MCUB: variants seen among roughly 807,000 people sequenced by gnomAD.
The protein encoded by MCUB is calcium uniporter regulatory subunit MCUb, mitochondrial.
MCUB carries 46 observed loss-of-function variants against 41.4 expected under a neutral mutation model. The ratio of observed to expected loss-of-function variants is 1.11; its 90% CI spans 0.88 to 1.42. The LOEUF is 1.42. Ranked by LOEUF, MCUB falls within the 40% of genes most tolerant of loss-of-function variation. MCUB has a pLI of 0.00. For synonymous variants in MCUB, 148 were observed against 148.2 expected, an observed-to-expected ratio of 1.00 and a Z score of 0.01; for missense variants, 403 against 404.9, an observed-to-expected ratio of 1.00 and a Z score of 0.04.
chr4:109,677,802 ATTTTTTTTTTTTT>A (rs71595506), intron 4 of MCUB, among the ~76,000 whole-genome samples: 3 of 86,606 alleles, frequency 3.5e-5, no homozygotes, highest in Non-Finnish European at 6.4e-5. Flanking sequence ...AAGGAAACAA[ATTTTTTTTTTTTT>A]TTTTTTTTTT....
At chr4:109,685,206 T>G in intron 6 of MCUB, 45 bp from the exon 7 acceptor site, 2 of 812,258 alleles carry the variant, frequency 2.5e-6, no homozygotes, top group Non-Finnish European at 4.2e-6. Context: ...GGCATTATGT[T>G]CATTCAAAAC....
intron 1 of MCUB, among the ~76,000 whole-genome samples, chr4:109,582,562 A>AC: frequency 8.5e-4 from 1 of 1,180 alleles, no homozygotes; most frequent in East Asian, 0.042. Flanking sequence ...CAGTTTAACA[A>AC]AAAAAAAAAA....
intron 1 of MCUB, among the ~76,000 whole-genome samples, chr4:109,653,393 A>G (rs1282539822): frequency 6.6e-6 from 1 of 151,980 alleles, no homozygotes; most frequent in African/African-American, 2.4e-5. Flanking sequence ...AAAAAAAAAA[A>G]AGAAAGAACT....
At chr4:109,639,350 C>CTT (rs34320513) in intron 1 of MCUB, among the ~76,000 whole-genome samples, 30 of 147,542 alleles carry the variant, frequency 2.0e-4, no homozygotes, top group Non-Finnish European at 3.0e-4. Context: ...GAAAGGAATC[C>CTT]TTTTTTTTTT....
chr4:109,666,956 CAATCTTTTTAGACATTGTTGT>C, intron 4 of MCUB, among the ~76,000 whole-genome samples: 1 of 152,112 alleles, frequency 6.6e-6, no homozygotes, highest in African/African-American at 2.4e-5. Context: ...TGTGGTGTAG[CAATCTTTTTAGACATTGTTGT>C]ATTTTATTTG....
At chr4:109,593,099 CTG>C (rs1451859905) in intron 1 of MCUB, among the ~76,000 whole-genome samples, 1 of 152,178 alleles carries the variant, frequency 6.6e-6, no homozygotes. Flanking sequence ...CAAGTTGGCT[CTG>C]TGTGTGTACA....
At chr4:109,595,517 A>G (rs1579055925) in intron 1 of MCUB, among the ~76,000 whole-genome samples, 1 of 152,144 alleles carries the variant, frequency 6.6e-6, no homozygotes, top group Non-Finnish European at 1.5e-5. Flanking sequence ...AATTATGGTG[A>G]TGATGAGGTC....
At chr4:109,593,942 G>A (rs1298660368) in intron 1 of MCUB, among the ~76,000 whole-genome samples, 1 of 152,098 alleles carries the variant, frequency 6.6e-6, no homozygotes, top group African/African-American at 2.4e-5. Context: ...TGTGCCTTTC[G>A]GATGCTATAT....
chr4:109,668,843 T>C (rs1006355956), intron 4 of MCUB, among the ~76,000 whole-genome samples: 1 of 152,074 alleles, frequency 6.6e-6, no homozygotes, highest in African/African-American at 2.4e-5. Flanking sequence ...GTTTGCAATA[T>C]ACATTTACAA....
At chr4:109,614,756 G>T (rs1391236335) in intron 1 of MCUB, among the ~76,000 whole-genome samples, 1 of 151,660 alleles carries the variant, frequency 6.6e-6, no homozygotes, top group Non-Finnish European at 1.5e-5. Flanking sequence ...GTGGACCTCA[G>T]CTCTAGAATC....
chr4:109,685,452 C>T (rs1579101374), intron 7 of MCUB, 85 bp downstream of exon 7: 2 of 613,544 alleles, frequency 3.3e-6, no homozygotes, highest in East Asian at 5.2e-5. Flanking sequence ...CTCATCCTCA[C>T]AAATTAAATC....
At chr4:109,600,948 C>G (rs779222282) in intron 1 of MCUB, among the ~76,000 whole-genome samples, 1 of 152,114 alleles carries the variant, frequency 6.6e-6, no homozygotes, top group Non-Finnish European at 1.5e-5. Context: ...GTGCCCACCA[C>G]CAAGCCCAGC....
chr4:109,650,383 C>G (rs1279265867), intron 1 of MCUB, among the ~76,000 whole-genome samples: 1 of 151,942 alleles, frequency 6.6e-6, no homozygotes, highest in Non-Finnish European at 1.5e-5. Context: ...TACTGGCATG[C>G]AAAAAAGGTT....
At chr4:109,641,060 G>A (rs1220032285) in intron 1 of MCUB, among the ~76,000 whole-genome samples, 3 of 152,154 alleles carry the variant, frequency 2.0e-5, no homozygotes, top group Non-Finnish European at 2.9e-5. Context: ...GGCCCCAGGA[G>A]AGGGAGATGG....
rs1416223310 is a variant in MCUB at position 109,682,650 on chromosome 4, A to G, written c.520A>G (p.Ile174Val). ...ATCTTTGGTTCACAGACTATTTACA[A>G]TCTTGCATTTAGAAGAGTCTCAGAA... ...MKSLVHRLFT[I>V]LHLEESQKKR... The change falls in exon 5 of 8, where the codon ATC (isoleucine) becomes GTC (valine). Residue 174 changes from isoleucine to valine, a missense_variant. By Grantham distance (29) the Ile-to-Val change is conservative (BLOSUM62 3). Transcript: ENST00000394650. The G allele has an allele frequency of 2.5e-6, 4 of 1,613,194 alleles. No homozygotes were observed. The highest frequency in any genetic ancestry group is 1.3e-5 in the African/African-American group (1 of 74,916).
chr4:109,588,314 C>T (rs1470062872), intron 1 of MCUB, among the ~76,000 whole-genome samples: 1 of 152,178 alleles, frequency 6.6e-6, no homozygotes, highest in East Asian at 1.9e-4. Context: ...ATGTGTTTCT[C>T]ATTTTGCGGT....
At chr4:109,600,707 C>G (rs1727710448) in intron 1 of MCUB, among the ~76,000 whole-genome samples, 1 of 152,108 alleles carries the variant, frequency 6.6e-6, no homozygotes, top group Admixed American at 6.6e-5. Context: ...GCTTTGAGAA[C>G]AAGATTTAGT....
chr4:109,597,920 T>G (rs1164258384), intron 1 of MCUB, among the ~76,000 whole-genome samples: 2 of 135,246 alleles, frequency 1.5e-5, no homozygotes, highest in African/African-American at 2.9e-5. Context: ...CCAGACGGGG[T>G]CGCGGCCGGG....
chr4:109,630,875 C>T (rs977302490), intron 1 of MCUB, among the ~76,000 whole-genome samples: 1 of 152,320 alleles, frequency 6.6e-6, no homozygotes, highest in East Asian at 1.9e-4. Context: ...GCCACTGCGC[C>T]TGGCCTGCAA....
Sources: gnomAD v4.1 joint callset for allele counts (sites outside exome capture counted in the v4.1 genomes callset) on GRCh38, gnomAD v4.1.1 for gene constraint, MANE v1.5 for transcripts, NCBI Gene and HGNC (gene_info 2026-07-23, HGNC 2026-07-21) for gene names.